COL9A1: variants seen among roughly 807,000 people sequenced by gnomAD.
The protein encoded by COL9A1 is collagen alpha-1(IX) chain.
A neutral mutation model predicts 142.6 loss-of-function variants in COL9A1; 104 were observed. That is an observed-to-expected ratio of 0.73 (90% confidence interval 0.62 to 0.86). The LOEUF (loss-of-function observed/expected upper bound fraction) is 0.86. Among genes scored for constraint, COL9A1 ranks in the 40% least tolerant of loss-of-function variants. The pLI, the probability that COL9A1 is intolerant of heterozygous loss-of-function variation, is 0.00. For missense variants in COL9A1, 1,210 were observed against 1,176.6 expected (o/e 1.03, Z -0.42); for synonymous variants, 466 against 396.0 (o/e 1.18, Z -2.10).
At chr6:70,246,284 T>C (rs893778360) in intron 28 of COL9A1, 1 of 151,566 alleles carries the variant, frequency 6.6e-6, no homozygotes, top group African/African-American at 2.4e-5. Flanking sequence ...TTCTTGAAAC[T>C]GGGAGATGGA....
At chr6:70,262,430 A>T (rs1183152482) in intron 19 of COL9A1, among the ~76,000 whole-genome samples, 1 of 152,200 alleles carries the variant, frequency 6.6e-6, no homozygotes, top group Non-Finnish European at 1.5e-5. Context: ...AGCTCGCTGA[A>T]CCCTTTTTAA....
At chr6:70,292,330 T>C (rs1298698027) in intron 5 of COL9A1, among the ~76,000 whole-genome samples, 2 of 152,182 alleles carry the variant, frequency 1.3e-5, no homozygotes, top group East Asian at 3.8e-4. Flanking sequence ...TTGTACATGA[T>C]GATTTCAAAT....
intron 6 of COL9A1, 164 bp from the exon 7 acceptor site, chr6:70,283,082 C>T: frequency 6.4e-7 from 1 of 1,566,642 alleles, no homozygotes; most frequent in South Asian, 1.2e-5. Context: ...TCCCTTGGCC[C>T]GGCTCTGCAG....
chr6:70,235,402 G>T (rs1001043418), intron 33 of COL9A1, among the ~76,000 whole-genome samples: 3 of 152,106 alleles, frequency 2.0e-5, no homozygotes, highest in Admixed American at 6.5e-5. Context: ...GCAGTAAGCG[G>T]AGATCGTGCC....
At chr6:70,260,591 T>G in intron 20 of COL9A1, 66 bp downstream of exon 20, 2 of 1,472,488 alleles carry the variant, frequency 1.4e-6, no homozygotes, top group Non-Finnish European at 1.9e-6. Flanking sequence ...AAAGTTATGT[T>G]TAAACGGCCA....
chr6:70,283,932 C>T, intron 5 of COL9A1, 112 bp from the exon 6 acceptor site: 1 of 802,270 alleles, frequency 1.2e-6, no homozygotes, highest in Non-Finnish European at 2.2e-6. Flanking sequence ...TCAACTTGAA[C>T]TGGTTGAGCA....
At chr6:70,291,592 A>C (rs1051886181) in intron 5 of COL9A1, among the ~76,000 whole-genome samples, 1 of 152,184 alleles carries the variant, frequency 6.6e-6, no homozygotes, top group Admixed American at 6.6e-5. Context: ...CAATATTTAC[A>C]TACTCAATGA....
intron 5 of COL9A1, among the ~76,000 whole-genome samples, chr6:70,293,542 T>C (rs1031164176): frequency 1.1e-4 from 16 of 151,602 alleles, no homozygotes; most frequent in African/African-American, 3.6e-4. Flanking sequence ...ATAACTTTCA[T>C]TCTTGTTGAC....
chr6:70,272,176 A>G, intron 12 of COL9A1, 88 bp from the exon 13 acceptor site: 3 of 1,064,110 alleles, frequency 2.8e-6, no homozygotes, highest in East Asian at 5.1e-5. Flanking sequence ...AAAATAAACC[A>G]TAAACTCTAT....
intron 4 of COL9A1, among the ~76,000 whole-genome samples, chr6:70,298,794 C>A (rs1773943892): frequency 1.3e-5 from 2 of 152,140 alleles, no homozygotes. Context: ...ACACGACTGG[C>A]ACTTCCATAC....
intron 29 of COL9A1, among the ~76,000 whole-genome samples, chr6:70,242,382 C>T (rs919043816): frequency 1.3e-5 from 2 of 152,146 alleles, no homozygotes; most frequent in Non-Finnish European, 2.9e-5. Flanking sequence ...AGGCACCATT[C>T]ACTCTGTTTT....
chr6:70,220,619 C>A (rs1485047307), intron 37 of COL9A1, among the ~76,000 whole-genome samples: 1 of 152,024 alleles, frequency 6.6e-6, no homozygotes, highest in Non-Finnish European at 1.5e-5. Flanking sequence ...AAGCCCTGAC[C>A]CAGGGCCTTT....
intron 7 of COL9A1, among the ~76,000 whole-genome samples, chr6:70,281,915 A>G (rs912448146): frequency 1.3e-5 from 2 of 152,220 alleles, no homozygotes; most frequent in African/African-American, 4.8e-5. Flanking sequence ...TTTGTCCAGT[A>G]GAATGGGGAG....
chr6:70,255,508 C>G, intron 21 of COL9A1, 118 bp from the exon 22 acceptor site: 2 of 890,780 alleles, frequency 2.2e-6, no homozygotes, highest in Admixed American at 1.8e-5. Context: ...AATGGCTTTG[C>G]TCTATCAAGG....
intron 10 of COL9A1, among the ~76,000 whole-genome samples, chr6:70,275,487 A>T (rs950959950): frequency 6.6e-6 from 1 of 152,086 alleles, no homozygotes; most frequent in Non-Finnish European, 1.5e-5. Flanking sequence ...TATAAACCAC[A>T]TTTATAATTA....
intron 21 of COL9A1, among the ~76,000 whole-genome samples, chr6:70,256,141 C>A (rs538606363): frequency 2.2e-4 from 33 of 152,302 alleles, no homozygotes; most frequent in African/African-American, 7.0e-4. Context: ...TTCAAACCAA[C>A]CTCCCCCTCA....
intron 37 of COL9A1, among the ~76,000 whole-genome samples, chr6:70,217,865 G>A (rs1002177261): frequency 2.0e-5 from 3 of 152,200 alleles, no homozygotes; most frequent in Non-Finnish European, 2.9e-5. Context: ...TTCAGGCCAG[G>A]TGCAGTGGCT....
chr6:70,239,197 C>A, intron 33 of COL9A1, 57 bp downstream of exon 33: 1 of 1,080,278 alleles, frequency 9.3e-7, no homozygotes, highest in Non-Finnish European at 1.4e-6. Context: ...ATTATATATT[C>A]TACAGCTTTA....
chr6:70,232,816 A>AAAG, intron 35 of COL9A1, 45 bp from the exon 36 acceptor site: 2 of 1,556,694 alleles, frequency 1.3e-6, no homozygotes, highest in Non-Finnish European at 8.7e-7. Context: ...CAGAAACATA[A>AAAG]AAGTTATTCT....
Sources: gnomAD v4.1 joint callset for allele counts (sites outside exome capture counted in the v4.1 genomes callset) on GRCh38, gnomAD v4.1.1 for gene constraint, MANE v1.5 for transcripts, NCBI Gene and HGNC (gene_info 2026-07-23, HGNC 2026-07-21) for gene names.